Variants in HTR7 observed in about 807,000 individuals in gnomAD.
HTR7 encodes the protein 5-hydroxytryptamine receptor 7.
HTR7 carries 16 observed loss-of-function variants against 34.0 expected under a neutral mutation model. The ratio of observed to expected loss-of-function variants is 0.47; its 90% CI spans 0.32 to 0.71. HTR7 has a LOEUF of 0.71. HTR7 is among the 30% of genes least tolerant of loss of function. The pLI, the probability that HTR7 is intolerant of heterozygous loss-of-function variation, is 0.04. For missense variants in HTR7, 504 were observed against 625.5 expected, an observed-to-expected ratio of 0.81 and a Z score of 2.07; for synonymous variants, 265 against 260.2, an observed-to-expected ratio of 1.02 and a Z score of -0.18.
chr10:90,818,948 C>T (rs1277301761), intron 1 of HTR7, among the ~76,000 whole-genome samples: 2 of 152,114 alleles, frequency 1.3e-5, no homozygotes, highest in South Asian at 2.1e-4. Flanking sequence ...CTGCTCCAGC[C>T]GTGTTAAGAC....
At chr10:90,851,424 G>A (rs1347531536) in intron 1 of HTR7, among the ~76,000 whole-genome samples, 1 of 151,794 alleles carries the variant, frequency 6.6e-6, no homozygotes, top group African/African-American at 2.4e-5. Context: ...GGCTAACAAG[G>A]TGAAACCCCG....
At chr10:90,831,789 C>T (rs1392742170) in intron 1 of HTR7, among the ~76,000 whole-genome samples, 4 of 152,038 alleles carry the variant, frequency 2.6e-5, no homozygotes, top group African/African-American at 7.2e-5. Context: ...TACAGAGTGT[C>T]GACTGGTGTA....
chr10:90,748,416 T>TATCTTCTTTTTCC, intron 2 of HTR7, among the ~76,000 whole-genome samples: 1 of 152,300 alleles, frequency 6.6e-6, no homozygotes. Context: ...AAAAAGATCA[T>TATCTTCTTTTTCC]TGTGCCTCCT....
At position 90,767,284 on chromosome 10, in the gene HTR7, T is replaced by C. The variant is rs578073042; in HGVS notation, c.540-17690A>G. ...TAAACCCTACTTTAAAATTATAATT[T>C]CAGCCATTAATTTCATTTGTCTGCC... On this transcript the variant is annotated intron_variant, in intron 1 of 3. Coordinates refer to ENST00000336152, the MANE Select transcript of HTR7 (RefSeq NM_019859.4). Among the ~76,000 whole-genome samples, 40 of 152,344 alleles carry C rather than the reference T, an allele frequency of 2.6e-4. 1 individual carries two copies. The highest frequency in any genetic ancestry group is 8.9e-4 in the African/African-American group (37 of 41,564).
chr10:90,746,814 C>G (rs1292457397), intron 2 of HTR7, among the ~76,000 whole-genome samples: 1 of 152,152 alleles, frequency 6.6e-6, no homozygotes, highest in Non-Finnish European at 1.5e-5. Context: ...CCCCAAAACC[C>G]TATCAATATC....
At chr10:90,781,816 A>G (rs1055509269) in intron 1 of HTR7, among the ~76,000 whole-genome samples, 5 of 152,258 alleles carry the variant, frequency 3.3e-5, no homozygotes, top group African/African-American at 1.2e-4. Context: ...TTCTTTGCCC[A>G]TTACAATTTA....
rs1839071756 is a variant in HTR7, at chr10:90,790,289, C to T, written c.540-40695G>A. Among the ~76,000 whole-genome samples, 2 of 152,138 alleles carry T rather than the reference C, an allele frequency of 1.3e-5. 1 individual carries two copies. The highest frequency in any genetic ancestry group is 2.9e-5 in the Non-Finnish European group (2 of 68,006). The stretch of plus-strand genomic sequence containing the variant: ...ACCCCAAATGACTTAATTTGTGCTG[C>T]CTGGTTAACTTTGCTTTTTTCTGGA... On this transcript the variant is annotated intron_variant, in intron 1 of 3. Transcript: ENST00000336152.
intron 2 of HTR7, among the ~76,000 whole-genome samples, chr10:90,745,617 C>T (rs10509609): frequency 0.14 from 21,689 of 152,158 alleles, 1,655 homozygotes; most frequent in East Asian, 0.2. Context: ...TAGAAATTTC[C>T]TAAAGTTGAT....
intron 1 of HTR7, among the ~76,000 whole-genome samples, chr10:90,785,345 C>A (rs916533595): frequency 1.3e-5 from 2 of 151,960 alleles, no homozygotes; most frequent in Non-Finnish European, 1.5e-5. Context: ...TTTGATCACT[C>A]AGAAAGGCCT....
chr10:90,774,750 T>C (rs1845178223), intron 1 of HTR7, among the ~76,000 whole-genome samples: 1 of 152,198 alleles, frequency 6.6e-6, no homozygotes, highest in Admixed American at 6.5e-5. Context: ...CTGCTGCAGT[T>C]GCAAACATCA....
chr10:90,826,509 A>G (rs934503894), intron 1 of HTR7, among the ~76,000 whole-genome samples: 4 of 138,484 alleles, frequency 2.9e-5, no homozygotes, highest in Non-Finnish European at 4.6e-5. Context: ...GAAAGACTAA[A>G]AGATGAACTG....
At chr10:90,821,660 G>C (rs1367482652) in intron 1 of HTR7, among the ~76,000 whole-genome samples, 3 of 152,302 alleles carry the variant, frequency 2.0e-5, no homozygotes, top group South Asian at 4.2e-4. Context: ...AACCAGTACA[G>C]CCAAGGGAAT....
chr10:90,743,714 C>T (rs1315370393), intron 2 of HTR7, 24 bp from the exon 3 acceptor site: 2 of 1,524,596 alleles, frequency 1.3e-6, no homozygotes, highest in South Asian at 1.1e-5. Flanking sequence ...CAATTCAAAG[C>T]AAATCCATAA....
At chr10:90,823,900 T>C (rs549463506) in intron 1 of HTR7, among the ~76,000 whole-genome samples, 15 of 152,334 alleles carry the variant, frequency 9.8e-5, no homozygotes, top group African/African-American at 3.6e-4. Flanking sequence ...TGCTTCCCCT[T>C]TGTCTTCTGC....
chr10:90,823,132 G>C (rs900215993), intron 1 of HTR7, among the ~76,000 whole-genome samples: 2 of 152,212 alleles, frequency 1.3e-5, no homozygotes, highest in East Asian at 3.8e-4. Flanking sequence ...GCACTGCCTC[G>C]TGGAGCTGTT....
chr10:90,742,553 G>A (rs1372419778), intron 3 of HTR7, 25 bp from the exon 4 acceptor site: 2 of 1,508,340 alleles, frequency 1.3e-6, no homozygotes, highest in Non-Finnish European at 1.8e-6. Context: ...GAGAAAAATA[G>A]AAAATAATTT....
At chr10:90,766,526 G>C (rs1473563677) in intron 1 of HTR7, among the ~76,000 whole-genome samples, 3 of 152,128 alleles carry the variant, frequency 2.0e-5, no homozygotes, top group Non-Finnish European at 2.9e-5. Flanking sequence ...CATGTACATT[G>C]AAATTACATA....
intron 1 of HTR7, among the ~76,000 whole-genome samples, chr10:90,792,780 A>G (rs1388000032): frequency 6.6e-6 from 1 of 152,182 alleles, no homozygotes; most frequent in Non-Finnish European, 1.5e-5. Context: ...GATTTATCAG[A>G]ACTTATCAGA....
At chr10:90,792,686 T>C (rs1455329979) in intron 1 of HTR7, among the ~76,000 whole-genome samples, 1 of 152,076 alleles carries the variant, frequency 6.6e-6, no homozygotes, top group African/African-American at 2.4e-5. Context: ...TATCATTACA[T>C]TGAAAATATA....
Sources: allele counts gnomAD v4.1 joint callset (sites outside exome capture counted in the v4.1 genomes callset), GRCh38; gene constraint gnomAD v4.1.1; transcripts MANE v1.5; gene names NCBI Gene and HGNC (gene_info 2026-07-23, HGNC 2026-07-21).